CDC42BPB: variants seen among roughly 807,000 people sequenced by gnomAD.
CDC42BPB encodes serine/threonine-protein kinase MRCK beta.
A neutral mutation model predicts 214.9 loss-of-function variants in CDC42BPB; 37 were observed. The observed-to-expected ratio is 0.17, with a 90% CI of 0.13 to 0.23. The LOEUF is 0.23. Ranked by LOEUF, CDC42BPB falls within the 10% of genes least tolerant of loss-of-function variation. The pLI, the probability that CDC42BPB is intolerant of heterozygous loss-of-function variation, is 1.00. For synonymous variants in CDC42BPB, 931 were observed against 884.0 expected (o/e 1.05, Z -0.94); for missense variants, 1,694 against 2,227.0 (o/e 0.76, Z 4.82).
intron 1 of CDC42BPB, among the ~76,000 whole-genome samples, chr14:103,042,372 T>G (rs1382079866): frequency 6.6e-6 from 1 of 152,050 alleles, no homozygotes; most frequent in Non-Finnish European, 1.5e-5. Context: ...TTCAGTGGCG[T>G]GATCTCAGCT....
At position 103,037,459 on chromosome 14, in the gene CDC42BPB, A is replaced by G. The variant is rs1248659405; in HGVS notation, c.175+19540T>C. On this transcript the variant is annotated intron_variant, in intron 1 of 36. Coordinates refer to ENST00000361246, the MANE Select transcript of CDC42BPB (RefSeq NM_006035.4). Reference sequence around the variant, plus strand: ...CAGGTGTGCACCACCATGCCCAGCTAATTTTTGTATAATTTGTAGAATCGG... The same window carrying G: ...CAGGTGTGCACCACCATGCCCAGCTGATTTTTGTATAATTTGTAGAATCGG... Among the ~76,000 whole-genome samples the G allele has an allele frequency of 2.6e-5, 4 of 152,294 alleles. No individual in the cohort carries two copies. In the East Asian group the frequency reaches 5.8e-4, roughly 22 times the overall value.
At position 102,970,154 on chromosome 14, in the gene CDC42BPB, G is replaced by A. The variant is rs1391554266; in HGVS notation, c.1992C>T (p.Leu664=). Residue 664 remains leucine, a synonymous_variant, in exon 14 of 37, where the codon CTC becomes CTT. Coordinates refer to ENST00000361246, the MANE Select transcript of CDC42BPB (RefSeq NM_006035.4). The part of the protein sequence containing the change: ...CKQMESELEA[L]KVKQGGRGAG... Reference sequence around the variant, plus strand: ...AGAGACCCCCGCCCAGCACTACCTTGAGGGCCTCCAGCTCGCTTTCCATTT... The same window carrying A: ...AGAGACCCCCGCCCAGCACTACCTTAAGGGCCTCCAGCTCGCTTTCCATTT... 2 of 1,612,096 alleles carry A rather than the reference G, an allele frequency of 1.2e-6. No homozygotes were observed. Among genetic ancestry groups the A allele is most frequent in the Non-Finnish European group, 1.7e-6 (2 of 1,179,400 alleles).
At chr14:103,006,369 C>A (rs1039294187) in intron 3 of CDC42BPB, among the ~76,000 whole-genome samples, 2 of 152,244 alleles carry the variant, frequency 1.3e-5, no homozygotes. Context: ...AGGAGACGCT[C>A]CCTGAAGCTC....
Position 103,041,401 on chromosome 14 carries a change from T to G in CDC42BPB, c.175+15598A>C, listed in dbSNP as rs989435471. 2.1e-5 allele frequency: 13 copies of G among 608,614 alleles called. No individual in the cohort carries two copies. The African/African-American group carries it at 2.4e-4, about 11-fold the overall frequency. 37.7% of individuals were successfully genotyped at this position (608,614 alleles called of 1,614,324 possible). A position where few individuals can be genotyped will look rare whatever the true frequency, so the allele number is the denominator to read the frequency against. Reference sequence around the variant, plus strand: ...TGCACTGCCAATGGATTGTTAGATATGACAGCAAAAAAAACAACAAAAAAT... The same window carrying G: ...TGCACTGCCAATGGATTGTTAGATAGGACAGCAAAAAAAACAACAAAAAAT... On this transcript the variant is annotated intron_variant, in intron 1 of 36. Transcript: ENST00000361246.
At chr14:102,973,694 T>A (rs1595482470) in intron 12 of CDC42BPB, among the ~76,000 whole-genome samples, 2 of 151,746 alleles carry the variant, frequency 1.3e-5, no homozygotes, top group East Asian at 3.9e-4. Flanking sequence ...TTCCTCGCTT[T>A]AGAATGCAGT....
rs965253564 is a variant in CDC42BPB, at chr14:102,943,384, A to T, written c.4408+507T>A. ...TAGAGAAAGTCATGCCAACTAGGCG[A>T]ATTCAGTGACCCAACTGTTTGAAAA... On this transcript the variant is annotated intron_variant, in intron 30 of 36. Coordinates refer to ENST00000361246, the MANE Select transcript of CDC42BPB (RefSeq NM_006035.4). The surrounding 1 kb of genome is among the most constrained non-coding windows in gnomAD (Gnocchi z 4.6). Among the ~76,000 whole-genome samples, 8 of 152,210 alleles carry T rather than the reference A, an allele frequency of 5.3e-5. No individual in the cohort carries two copies. The highest frequency in any genetic ancestry group is 1.2e-4 in the Non-Finnish European group (8 of 68,036).
At chr14:103,029,188 C>T (rs1887210382) in intron 1 of CDC42BPB, among the ~76,000 whole-genome samples, 1 of 152,176 alleles carries the variant, frequency 6.6e-6, no homozygotes, top group Non-Finnish European at 1.5e-5. Context: ...ATAAGTATGT[C>T]TCTGGAAGAA....
chr14:103,003,892 G>A (rs758409545), intron 4 of CDC42BPB, 36 bp downstream of exon 4: 9 of 1,533,142 alleles, frequency 5.9e-6, no homozygotes, highest in Admixed American at 3.4e-5. Flanking sequence ...AAGCCGGAGC[G>A]AATGCCCTGA....
intron 19 of CDC42BPB, among the ~76,000 whole-genome samples, chr14:102,963,880 A>T (rs1893067595): frequency 6.6e-6 from 1 of 152,230 alleles, no homozygotes; most frequent in South Asian, 2.1e-4. Context: ...TCTGTTAGAG[A>T]CACTGTCCCT....
chr14:103,021,551 C>T (rs1292482579), intron 1 of CDC42BPB, among the ~76,000 whole-genome samples: 22 of 151,878 alleles, frequency 1.4e-4, no homozygotes, highest in Admixed American at 1.2e-3. Context: ...GGCATGGTGG[C>T]GCGTGCCTGC....
chr14:103,002,033 A>G (rs1408820961), intron 4 of CDC42BPB, among the ~76,000 whole-genome samples: 1 of 152,212 alleles, frequency 6.6e-6, no homozygotes, highest in African/African-American at 2.4e-5. Flanking sequence ...TTTAGTTAGC[A>G]GTCAAACAGG....
In CDC42BPB at chr14:103,001,965, G is replaced by A. The variant is rs1895007024; in HGVS notation, c.447+1963C>T. On this transcript the variant is annotated intron_variant, in intron 4 of 36. Transcript: ENST00000361246. This position sits in a 1 kb window ranked among gnomAD's most constrained non-coding sequence, Gnocchi z 5.8. ...ACGGCGGAGGCCCACTCCAGAATGA[G>A]AATCAGACCTAGTCTGTCCTGTCAC... 6.6e-6 allele frequency among the ~76,000 whole-genome samples: 1 copy of A among 152,244 alleles called. No individual in the cohort carries two copies. The highest frequency in any genetic ancestry group is 1.5e-5 in the Non-Finnish European group (1 of 68,048).
Position 102,975,894 on chromosome 14 carries a change from C to T in CDC42BPB, c.1376G>A (p.Arg459Lys). The change falls in exon 10 of 37, where the codon AGG (arginine) becomes AAG (lysine). Residue 459 changes from arginine to lysine, a missense_variant. Physicochemically the swap from Arg to Lys is conservative, Grantham distance 26. Transcript: ENST00000361246. Reference sequence around the variant, plus strand: ...GGCGCTGCCCTCACCTTGCAGCTTCCTGCTCAGCTCCAGCTTCTCCTGTTC... The same window carrying T: ...GGCGCTGCCCTCACCTTGCAGCTTCTTGCTCAGCTCCAGCTTCTCCTGTTC... ...RLEQEKLELS[R>K]KLQESTQTVQ... 1 of 1,614,192 alleles carries T rather than the reference C, an allele frequency of 6.2e-7. No individual in the cohort carries two copies. Among genetic ancestry groups the T allele is most frequent in the Non-Finnish European group, 8.5e-7 (1 of 1,180,030 alleles).
At chr14:103,050,410 G>A (rs1339365035) in intron 1 of CDC42BPB, among the ~76,000 whole-genome samples, 3 of 152,202 alleles carry the variant, frequency 2.0e-5, no homozygotes, top group Non-Finnish European at 4.4e-5. Context: ...CTCAGAACCT[G>A]GTTTACCCAA....
Position 102,961,437 on chromosome 14 carries a change from C to T in CDC42BPB, c.2821+1624G>A, listed in dbSNP as rs370967562. ...GCAACCTCTGCCTCCCAGGTTCAAG[C>T]GATTCTCCTGCCTCAGCCTCCTGAG... On this transcript the variant is annotated intron_variant, in intron 20 of 36. Coordinates refer to ENST00000361246, the MANE Select transcript of CDC42BPB (RefSeq NM_006035.4). Among the ~76,000 whole-genome samples, 40 of 151,764 alleles carry T rather than the reference C, an allele frequency of 2.6e-4. 1 individual carries two copies. The highest frequency in any genetic ancestry group is 9.2e-4 in the African/African-American group (38 of 41,406).
rs35486340 is a variant in CDC42BPB, at chr14:103,018,307, G to A, written c.176-6119C>T. On this transcript the variant is annotated intron_variant, in intron 1 of 36. Coordinates refer to ENST00000361246, the MANE Select transcript of CDC42BPB (RefSeq NM_006035.4). ...AAAGTATTCAATGGCAAACAGCTGG[G>A]GGAGGAGAGTTCTTCTGTTATTTGC... 6.0e-3 allele frequency among the ~76,000 whole-genome samples: 919 copies of A among 152,270 alleles called. 13 individuals carry two copies. Among genetic ancestry groups the A allele is most frequent in the African/African-American group, 0.021 (877 of 41,544 alleles).
intron 1 of CDC42BPB, among the ~76,000 whole-genome samples, chr14:103,020,608 A>G (rs1377086030): frequency 4.6e-5 from 7 of 152,168 alleles, no homozygotes; most frequent in African/African-American, 1.7e-4. Flanking sequence ...AAGGGGCCAG[A>G]GCAGCACCCC....
chr14:103,021,795 C>T (rs1886788646), intron 1 of CDC42BPB, among the ~76,000 whole-genome samples: 1 of 151,920 alleles, frequency 6.6e-6, no homozygotes, highest in African/African-American at 2.4e-5. Flanking sequence ...TCGTGTGGTA[C>T]AGGCGGGGAT....
At chr14:103,041,675 G>A (rs1271680099) in intron 1 of CDC42BPB, 6 of 556,544 alleles carry the variant, frequency 1.1e-5, no homozygotes, top group African/African-American at 1.9e-5. Context: ...ACCAAGGTGC[G>A]CACCGGCCGC....
Sources: allele counts gnomAD v4.1 joint callset (sites outside exome capture counted in the v4.1 genomes callset), GRCh38; gene constraint gnomAD v4.1.1; non-coding constraint Gnocchi (gnomAD v3.1); transcripts MANE v1.5; gene names NCBI Gene and HGNC (gene_info 2026-07-23, HGNC 2026-07-21).